KRT7: variants seen among roughly 807,000 people sequenced by gnomAD.
KRT7 encodes keratin 7, also known as keratin, type II cytoskeletal 7.
In KRT7, 50 loss-of-function variants were observed where a neutral mutation model predicts 42.8. The ratio of observed to expected loss-of-function variants is 1.17; its 90% confidence interval spans 0.93 to 1.48. The LOEUF (loss-of-function observed/expected upper bound fraction) is 1.48, where lower values mean the gene tolerates loss of function less well. KRT7 is among the 40% of genes most tolerant of loss of function. KRT7 has a pLI of 0.00. For synonymous variants in KRT7, 268 were observed against 266.3 expected (o/e 1.01, Z -0.06); for missense variants, 588 against 637.6 (o/e 0.92, Z 0.84).
At chr12:52,245,038 A>G (rs927868547) in intron 6 of KRT7, 2 of 255,736 alleles carry the variant, frequency 7.8e-6, no homozygotes, top group Non-Finnish European at 7.3e-6. Context: ...TCATAATAGC[A>G]TTCATTAAAA....
Position 52,248,884 on chromosome 12 carries a change from C to G in KRT7, c.*124C>G, listed in dbSNP as rs982455568. On this transcript the variant is annotated 3_prime_UTR_variant, in exon 9 of 9. Coordinates refer to ENST00000331817, the MANE Select transcript of KRT7 (RefSeq NM_005556.4). ...CTGGAAAGTGATGTCAGAATAGCTTCCAATAAAGCAGCCTCATTCTGAGGC... is the reference window on the plus strand; with the variant it reads ...CTGGAAAGTGATGTCAGAATAGCTTGCAATAAAGCAGCCTCATTCTGAGGC... 8 of 964,204 alleles carry G rather than the reference C, an allele frequency of 8.3e-6. No individual in the cohort carries two copies. The highest frequency in any genetic ancestry group is 1.1e-5 in the Non-Finnish European group (8 of 702,010). 59.7% of individuals were successfully genotyped at this position (964,204 alleles called of 1,614,324 possible).
At chr12:52,237,074 G>A (rs1942020938) in intron 2 of KRT7, among the ~76,000 whole-genome samples, 1 of 152,212 alleles carries the variant, frequency 6.6e-6, no homozygotes, top group African/African-American at 2.4e-5. Flanking sequence ...AGTGACCTGG[G>A]CAGATTACGC....
chr12:52,252,066 G>A (rs1425788035), downstream of KRT7: 2 of 785,892 alleles, frequency 2.5e-6, no homozygotes, highest in African/African-American at 1.7e-5. Flanking sequence ...AACCTTATAG[G>A]GAAAGCAAAG....
intron 1 of KRT7, among the ~76,000 whole-genome samples, chr12:52,234,365 A>G (rs946184146): frequency 2.0e-5 from 3 of 152,100 alleles, no homozygotes; most frequent in African/African-American, 7.2e-5. Flanking sequence ...GTTTGGGAGG[A>G]GTGCTGCCAA....
downstream of KRT7, chr12:52,253,581 A>G: frequency 6.3e-7 from 1 of 1,595,384 alleles, no homozygotes; most frequent in Non-Finnish European, 8.6e-7. Flanking sequence ...TCTAGCAGGC[A>G]GGTGTCCTGT....
downstream of KRT7, chr12:52,250,555 G>T: frequency 8.1e-7 from 1 of 1,230,554 alleles, no homozygotes; most frequent in Non-Finnish European, 1.1e-6. Context: ...CCGCTGCAGG[G>T]GGCACTGCAG....
intron 7 of KRT7, chr12:52,245,896 A>C (rs563537430): frequency 1.8e-5 from 9 of 503,438 alleles, no homozygotes; most frequent in Non-Finnish European, 3.2e-5. Context: ...TAGGGTTATC[A>C]TATTTGATCC....
downstream of KRT7, chr12:52,255,412 T>A (rs1193629011): frequency 2.8e-5 from 13 of 456,546 alleles, 1 homozygote; most frequent in Admixed American, 3.1e-4. Context: ...TCTTCATACC[T>A]GGGGACAAAA....
chr12:52,254,954 A>C (rs1419819897), downstream of KRT7, among the ~76,000 whole-genome samples: 1 of 152,182 alleles, frequency 6.6e-6, no homozygotes, highest in African/African-American at 2.4e-5. Flanking sequence ...TGTGGTTCTG[A>C]GCTGTTGCTG....
At chr12:52,245,138 TCTC>T in intron 6 of KRT7, 1 of 545,320 alleles carries the variant, frequency 1.8e-6, no homozygotes, top group Non-Finnish European at 3.2e-6. Context: ...ATCCTCAAAA[TCTC>T]CTGATGTTCT....
At chr12:52,244,212 A>G (rs921832134) in intron 6 of KRT7, among the ~76,000 whole-genome samples, 12 of 152,222 alleles carry the variant, frequency 7.9e-5, no homozygotes, top group Non-Finnish European at 1.5e-4. Flanking sequence ...GGGCCTGTTT[A>G]CAGGAGGGCG....
At chr12:52,252,308 A>T (rs761674331), downstream of KRT7, 50 of 1,613,854 alleles carry the variant, frequency 3.1e-5, no homozygotes, top group African/African-American at 5.3e-5. Context: ...GCGATCTCAA[A>T]GTCCAGGCCA....
chr12:52,235,485 A>C, intron 2 of KRT7, 119 bp downstream of exon 2: 8 of 797,332 alleles, frequency 1.0e-5, no homozygotes, highest in South Asian at 5.7e-5. Flanking sequence ...CAGTCCAATA[A>C]CTCCCTGAGG....
At position 52,235,211 on chromosome 12, in the gene KRT7, G is replaced by C. The variant is rs888228405; in HGVS notation, c.381G>C (p.Gln127His). ...KLLETKWTLL[Q>H]EQKSAKSSRL... is the part of the protein sequence containing the mutation. ...TGGAGACCAAGTGGACGCTGCTGCA[G>C]GAGCAGAAGTCGGCCAAGAGCAGCC... The change falls in exon 2 of 9, where the codon CAG becomes CAC. Residue 127 changes from glutamine to histidine, a missense_variant. Gln to His is a conservative substitution (Grantham distance 24). Coordinates refer to ENST00000331817, the MANE Select transcript of KRT7 (RefSeq NM_005556.4). 2 of 1,614,066 alleles carry C rather than the reference G, an allele frequency of 1.2e-6. No individual in the cohort carries two copies. The highest frequency in any genetic ancestry group is 2.7e-5 in the African/African-American group (2 of 74,946).
At chr12:52,253,072 T>G (rs1387887015), downstream of KRT7, 3 of 807,074 alleles carry the variant, frequency 3.7e-6, no homozygotes, top group Non-Finnish European at 6.3e-6. Context: ...GGAGAACGTT[T>G]TCCATGGAGG....
At chr12:52,245,869 T>TTA in intron 7 of KRT7, 1 of 575,626 alleles carries the variant, frequency 1.7e-6, no homozygotes, top group South Asian at 2.2e-5. Context: ...AACAGTCCCT[T>TTA]TGTGTGTGCG....
chr12:52,236,316 T>C (rs1032000088), intron 2 of KRT7, among the ~76,000 whole-genome samples: 1 of 151,808 alleles, frequency 6.6e-6, no homozygotes, highest in Non-Finnish European at 1.5e-5. Context: ...GCCCCTGTTG[T>C]CAGGACTAAC....
chr12:52,244,330 C>A, intron 6 of KRT7: 1 of 985,606 alleles, frequency 1.0e-6, no homozygotes, highest in Non-Finnish European at 1.2e-6. Context: ...TTTCCCAAAC[C>A]CTGCAGCCTC....
chr12:52,245,624 G>A lies in KRT7; in HGVS notation c.1197G>A (p.Glu399=). The change falls in exon 7 of 9, where the codon GAG becomes GAA. Residue 399 remains glutamate (E), a synonymous_variant. Coordinates refer to ENST00000331817, the MANE Select transcript of KRT7 (RefSeq NM_005556.4). ...IATYRKLLEG[E]ESRLAGDGVG... ...CCTACCGCAAGCTGCTGGAGGGCGA[G>A]GAGAGCCGGTGAGGACAAGGAACCT... The A allele has an allele frequency of 6.2e-7, 1 of 1,613,558 alleles. No individual in the cohort carries two copies. The highest frequency in any genetic ancestry group is 8.5e-7 in the Non-Finnish European group (1 of 1,180,040).
Sources: allele counts gnomAD v4.1 joint callset (sites outside exome capture counted in the v4.1 genomes callset), GRCh38; gene constraint gnomAD v4.1.1; transcripts MANE v1.5; gene names NCBI Gene and HGNC (gene_info 2026-07-23, HGNC 2026-07-21).